ZFPM2: variants seen among roughly 807,000 people sequenced by gnomAD.
The protein encoded by ZFPM2 is zinc finger protein ZFPM2.
Under a neutral mutation model 98.6 loss-of-function variants are expected in ZFPM2, and 20 were observed. That is an observed-to-expected ratio of 0.20 (90% CI 0.14 to 0.29). ZFPM2 has a LOEUF of 0.29. ZFPM2 is among the 10% of genes least tolerant of loss of function. ZFPM2 has a pLI of 1.00. For synonymous variants in ZFPM2, 518 were observed against 502.7 expected (o/e 1.03, Z -0.41); for missense variants, 1,310 against 1,388.6 (o/e 0.94, Z 0.90).
chr8:105,516,955 G>T (rs1043077832), intron 3 of ZFPM2, among the ~76,000 whole-genome samples: 13 of 152,142 alleles, frequency 8.5e-5, no homozygotes, highest in African/African-American at 2.9e-4. Context: ...TATAGCTCTT[G>T]CTCTAACCAT....
chr8:105,452,284 A>G (rs746623483), intron 3 of ZFPM2, among the ~76,000 whole-genome samples: 1 of 150,352 alleles, frequency 6.7e-6, no homozygotes, highest in African/African-American at 2.5e-5. Context: ...AATAACCACT[A>G]CCCACCCCAG....
chr8:105,746,856 A>C (rs1386631861), intron 5 of ZFPM2, among the ~76,000 whole-genome samples: 1 of 151,940 alleles, frequency 6.6e-6, no homozygotes, highest in East Asian at 1.9e-4. Flanking sequence ...ACCTGAAGAC[A>C]TTCTCAATTT....
chr8:105,480,956 T>C (rs1372724185), intron 3 of ZFPM2, among the ~76,000 whole-genome samples: 1 of 152,120 alleles, frequency 6.6e-6, no homozygotes, highest in African/African-American at 2.4e-5. Flanking sequence ...TTCACTGTGT[T>C]AGCCAAGATG....
chr8:105,700,753 G>A (rs373172703), intron 5 of ZFPM2, among the ~76,000 whole-genome samples: 3 of 151,824 alleles, frequency 2.0e-5, no homozygotes, highest in African/African-American at 4.8e-5. Flanking sequence ...GCACCACCAC[G>A]CCTGGCTAAT....
chr8:105,450,874 C>T (rs1812471499), intron 3 of ZFPM2, among the ~76,000 whole-genome samples: 1 of 151,950 alleles, frequency 6.6e-6, no homozygotes. Context: ...GAAAGCCTGG[C>T]TCTTTGTAGA....
chr8:105,405,805 T>C (rs1209661736), intron 1 of ZFPM2, among the ~76,000 whole-genome samples: 1 of 152,154 alleles, frequency 6.6e-6, no homozygotes, highest in African/African-American at 2.4e-5. Flanking sequence ...AGTAATGGGA[T>C]GGCTGGGTCA....
chr8:105,400,692 G>C (rs1244638027), intron 1 of ZFPM2, among the ~76,000 whole-genome samples: 4 of 152,210 alleles, frequency 2.6e-5, no homozygotes, highest in African/African-American at 9.6e-5. Flanking sequence ...TATAGTATTT[G>C]TTTGCAACTC....
intron 2 of ZFPM2, among the ~76,000 whole-genome samples, chr8:105,423,589 A>C (rs1240611430): frequency 6.6e-6 from 1 of 152,230 alleles, no homozygotes; most frequent in Non-Finnish European, 1.5e-5. Flanking sequence ...ATCAAGACTC[A>C]GTCCATAAGT....
chr8:105,483,604 AT>A (rs1813167943), intron 3 of ZFPM2, among the ~76,000 whole-genome samples: 4 of 151,342 alleles, frequency 2.6e-5, no homozygotes, highest in African/African-American at 7.3e-5. Context: ...AAAAAAAAAA[AT>A]GTTTACGTTC....
Position 105,775,417 on chromosome 8 carries a change from A to G in ZFPM2, c.533-13301A>G, listed in dbSNP as rs1417068992. ...AAGTCGTAATGAAAGTGTGGAATGC[A>G]ATCAGATTATTCATAAGCTTACAAG... On this transcript the variant is annotated intron_variant, in intron 5 of 7. Coordinates refer to ENST00000407775, the MANE Select transcript of ZFPM2 (RefSeq NM_012082.4). 2.6e-5 allele frequency among the ~76,000 whole-genome samples: 4 copies of G among 152,170 alleles called. No homozygotes were observed. In the East Asian group the frequency reaches 7.7e-4, roughly 29 times the overall value.
intron 3 of ZFPM2, among the ~76,000 whole-genome samples, chr8:105,498,413 T>C (rs1172491233): frequency 1.3e-5 from 2 of 152,228 alleles, no homozygotes; most frequent in Non-Finnish European, 2.9e-5. Flanking sequence ...ACAATGTGGC[T>C]AGTGTTGTGT....
intron 3 of ZFPM2, among the ~76,000 whole-genome samples, chr8:105,506,769 C>T (rs1563690392): frequency 1.3e-5 from 2 of 151,994 alleles, no homozygotes; most frequent in South Asian, 2.1e-4. Flanking sequence ...GGGCGGATCA[C>T]GAGATCAGGA....
At chr8:105,540,127 C>G (rs570543779) in intron 3 of ZFPM2, among the ~76,000 whole-genome samples, 94 of 152,016 alleles carry the variant, frequency 6.2e-4, no homozygotes, top group South Asian at 2.1e-3. Flanking sequence ...GTTTTCATAC[C>G]CCACCTATTT....
chr8:105,413,643 G>C (rs145671652), intron 1 of ZFPM2, among the ~76,000 whole-genome samples: 2 of 151,450 alleles, frequency 1.3e-5, no homozygotes, highest in Admixed American at 6.6e-5. Flanking sequence ...CTTTGTGTGA[G>C]TTGGACCTTT....
chr8:105,461,499 A>G (rs1383974009), intron 3 of ZFPM2, among the ~76,000 whole-genome samples: 2 of 152,162 alleles, frequency 1.3e-5, no homozygotes, highest in East Asian at 3.9e-4. Flanking sequence ...AATCATTCAA[A>G]TAAAAGGGCC....
chr8:105,672,473 C>A (rs1457236321), intron 5 of ZFPM2, among the ~76,000 whole-genome samples: 1 of 152,040 alleles, frequency 6.6e-6, no homozygotes, highest in African/African-American at 2.4e-5. Flanking sequence ...ATTTAGTCAG[C>A]AGCTTTACTA....
intron 3 of ZFPM2, among the ~76,000 whole-genome samples, chr8:105,450,316 A>C (rs1435211779): frequency 2.6e-5 from 4 of 152,146 alleles, no homozygotes; most frequent in Non-Finnish European, 4.4e-5. Flanking sequence ...TACTAGTCCA[A>C]AGAAGGGCTT....
chr8:105,722,489 C>G (rs956202912), intron 5 of ZFPM2, among the ~76,000 whole-genome samples: 2 of 151,874 alleles, frequency 1.3e-5, no homozygotes, highest in African/African-American at 4.8e-5. Context: ...TGATAACCTA[C>G]TATTGACCAA....
At chr8:105,458,502 T>G (rs753992575) in intron 3 of ZFPM2, among the ~76,000 whole-genome samples, 12 of 152,196 alleles carry the variant, frequency 7.9e-5, no homozygotes, top group South Asian at 6.2e-4. Context: ...AACATTGTAT[T>G]AATAATATAA....
Sources: gnomAD v4.1 joint callset for allele counts (sites outside exome capture counted in the v4.1 genomes callset) on GRCh38, gnomAD v4.1.1 for gene constraint, MANE v1.5 for transcripts, NCBI Gene and HGNC (gene_info 2026-07-23, HGNC 2026-07-21) for gene names.